The following ZSWIM6 variants were observed in gnomAD, a reference collection of about 807,000 sequenced individuals.
The protein encoded by ZSWIM6 is zinc finger SWIM domain-containing protein 6.
Under a neutral mutation model 113.2 loss-of-function variants are expected in ZSWIM6, and 9 were observed. The observed-to-expected ratio is 0.08, with a 90% CI of 0.05 to 0.14. The LOEUF (loss-of-function observed/expected upper bound fraction) is 0.14. Ranked by LOEUF, ZSWIM6 falls within the 10% of genes least tolerant of loss-of-function variation. The probability of loss-of-function intolerance (pLI) is 1.00; values close to 1 mark genes in which losing one functional copy is unlikely to be tolerated. For missense variants in ZSWIM6, 1,162 were observed against 1,552.2 expected, an observed-to-expected ratio of 0.75 and a Z score of 4.22; for synonymous variants, 611 against 606.5, an observed-to-expected ratio of 1.01 and a Z score of -0.11.
chr5:61,414,767 G>T (rs1267947690), intron 1 of ZSWIM6, among the ~76,000 whole-genome samples: 1 of 152,156 alleles, frequency 6.6e-6, no homozygotes, highest in African/African-American at 2.4e-5. Context: ...GATTATTTAT[G>T]TTTCAAAGGG....
intron 1 of ZSWIM6, among the ~76,000 whole-genome samples, chr5:61,471,877 G>A (rs1031564248): frequency 6.6e-6 from 1 of 152,044 alleles, no homozygotes; most frequent in African/African-American, 2.4e-5. Context: ...TAAGTTTAAG[G>A]TATAAGGCCT....
intron 1 of ZSWIM6, among the ~76,000 whole-genome samples, chr5:61,443,029 A>C (rs917093778): frequency 6.6e-6 from 1 of 152,210 alleles, no homozygotes; most frequent in Non-Finnish European, 1.5e-5. Flanking sequence ...AGCAATCTTT[A>C]TGAACACACC....
At chr5:61,460,910 A>G (rs1427097297) in intron 1 of ZSWIM6, among the ~76,000 whole-genome samples, 1 of 152,018 alleles carries the variant, frequency 6.6e-6, no homozygotes, top group Non-Finnish European at 1.5e-5. Flanking sequence ...TTTTGCATAG[A>G]TAAACCCTAC....
At chr5:61,438,384 G>A (rs1222499468) in intron 1 of ZSWIM6, among the ~76,000 whole-genome samples, 1 of 152,110 alleles carries the variant, frequency 6.6e-6, no homozygotes, top group African/African-American at 2.4e-5. Flanking sequence ...CTATATTCAG[G>A]AGTAAGGAAT....
At chr5:61,333,009 G>GGCCC in intron 1 of ZSWIM6, 61 bp downstream of exon 1, 2 of 439,880 alleles carry the variant, frequency 4.5e-6, no homozygotes, top group Non-Finnish European at 3.2e-6. Context: ...TGGGGGGGGG[G>GGCCC]TGCCCGCCTT....
intron 1 of ZSWIM6, among the ~76,000 whole-genome samples, chr5:61,383,107 T>C (rs561286288): frequency 6.6e-6 from 1 of 152,364 alleles, no homozygotes; most frequent in Admixed American, 6.5e-5. Context: ...AATTGTGTGT[T>C]ATTCAGTGAT....
intron 4 of ZSWIM6, among the ~76,000 whole-genome samples, chr5:61,511,151 G>A (rs889460961): frequency 3.9e-5 from 6 of 152,080 alleles, no homozygotes; most frequent in Non-Finnish European, 8.8e-5. Flanking sequence ...CTTTGAACTT[G>A]AATCTAACAT....
intron 1 of ZSWIM6, among the ~76,000 whole-genome samples, chr5:61,405,840 ATCTTTAT>A (rs1182504863): frequency 6.6e-6 from 1 of 152,262 alleles, no homozygotes; most frequent in Non-Finnish European, 1.5e-5. Context: ...GTAGCACCAC[ATCTTTAT>A]TTGGAAGATT....
At chr5:61,410,530 G>C (rs1335478440) in intron 1 of ZSWIM6, among the ~76,000 whole-genome samples, 1 of 151,716 alleles carries the variant, frequency 6.6e-6, no homozygotes, top group Non-Finnish European at 1.5e-5. Context: ...GGATGGTCTC[G>C]ATCTCCTGAC....
At chr5:61,365,401 G>A (rs908790046) in intron 1 of ZSWIM6, among the ~76,000 whole-genome samples, 2 of 152,064 alleles carry the variant, frequency 1.3e-5, no homozygotes, top group Non-Finnish European at 2.9e-5. Context: ...TTCTTGGATA[G>A]GGAATGGCTG....
At chr5:61,375,325 G>A (rs1486571894) in intron 1 of ZSWIM6, 18 of 1,605,514 alleles carry the variant, frequency 1.1e-5, no homozygotes, top group Non-Finnish European at 1.5e-5. Context: ...CTGGAAGAAA[G>A]AACTGGAAAA....
At chr5:61,464,938 C>T (rs557973320) in intron 1 of ZSWIM6, among the ~76,000 whole-genome samples, 1 of 152,356 alleles carries the variant, frequency 6.6e-6, no homozygotes, top group Admixed American at 6.5e-5. Flanking sequence ...ACTTCATCTG[C>T]ACTTCAGAAT....
chr5:61,395,553 A>G (rs889801458), intron 1 of ZSWIM6, among the ~76,000 whole-genome samples: 1 of 152,240 alleles, frequency 6.6e-6, no homozygotes, highest in Non-Finnish European at 1.5e-5. Flanking sequence ...GGCTATACAC[A>G]TGATGATAGC....
At chr5:61,536,642 C>G (rs907983816) in intron 10 of ZSWIM6, among the ~76,000 whole-genome samples, 3 of 152,110 alleles carry the variant, frequency 2.0e-5, no homozygotes, top group Admixed American at 6.5e-5. Context: ...CCAAAGTTAC[C>G]CTGTTCTGAA....
At chr5:61,429,704 T>C (rs1287512300) in intron 1 of ZSWIM6, among the ~76,000 whole-genome samples, 2 of 152,076 alleles carry the variant, frequency 1.3e-5, no homozygotes, top group South Asian at 2.1e-4. Context: ...TATGTGTCTA[T>C]GTGTGTGTGT....
intron 2 of ZSWIM6, among the ~76,000 whole-genome samples, chr5:61,487,157 C>T (rs980883601): frequency 6.6e-6 from 1 of 151,958 alleles, no homozygotes; most frequent in East Asian, 1.9e-4. Flanking sequence ...GCATCCTTTC[C>T]CTAGTGTATA....
chr5:61,473,605 A>G lies in ZSWIM6; in HGVS notation c.1033+568A>G, dbSNP rs368157129. Among the ~76,000 whole-genome samples, 33 of 152,312 alleles carry G rather than the reference A, an allele frequency of 2.2e-4. No homozygotes were observed. In the East Asian group the frequency reaches 3.9e-3, roughly 18 times the overall value. On this transcript the variant is annotated intron_variant, in intron 2 of 13. Coordinates refer to ENST00000252744, the MANE Select transcript of ZSWIM6 (RefSeq NM_020928.2). ...AACGTATTTATCGAGTATTTATTTT[A>G]TGCAGTGCAAATATGTCAACTCACA... is the stretch of plus-strand genomic sequence containing the variant.
chr5:61,467,907 ACG>A (rs1451134432), intron 1 of ZSWIM6, among the ~76,000 whole-genome samples: 2 of 152,114 alleles, frequency 1.3e-5, no homozygotes, highest in Non-Finnish European at 2.9e-5. Flanking sequence ...AGCCACCTCC[ACG>A]GGCTAGACCC....
At chr5:61,394,465 GT>G (rs1745798862) in intron 1 of ZSWIM6, among the ~76,000 whole-genome samples, 1 of 152,214 alleles carries the variant, frequency 6.6e-6, no homozygotes. Flanking sequence ...AGTATTGACT[GT>G]TTGATTTATA....
Sources: allele counts gnomAD v4.1 joint callset (sites outside exome capture counted in the v4.1 genomes callset), GRCh38; gene constraint gnomAD v4.1.1; transcripts MANE v1.5; gene names NCBI Gene and HGNC (gene_info 2026-07-23, HGNC 2026-07-21).